Variants in TBC1D24 observed in about 807,000 individuals in gnomAD.
TBC1D24 encodes TBC1 domain family member 24, also known as Infantile myoclonic epilepsy.
Under a neutral mutation model 50.7 loss-of-function variants are expected in TBC1D24, and 47 were observed. The ratio of observed to expected loss-of-function variants is 0.93; its 90% CI spans 0.73 to 1.18. The LOEUF (loss-of-function observed/expected upper bound fraction) is 1.18, where lower values mean the gene tolerates loss of function less well. Among genes scored for constraint, TBC1D24 ranks in the 50% most tolerant of loss-of-function variants. The probability of loss-of-function intolerance (pLI) is 0.00; values close to 1 mark genes in which losing one functional copy is unlikely to be tolerated. For missense variants in TBC1D24, 688 were observed against 766.5 expected (o/e 0.90, Z 1.21); for synonymous variants, 324 against 335.2 (o/e 0.97, Z 0.36).
In TBC1D24 at chr16:2,500,937, C is replaced by G; in HGVS notation, c.1659C>G (p.Phe553Leu). The G allele has an allele frequency of 6.2e-7, 1 of 1,612,014 alleles. No homozygotes were observed. The highest frequency in any genetic ancestry group is 8.5e-7 in the Non-Finnish European group (1 of 1,179,934). ...FLIAAVEAWG[F>L]QDPDTQ is the part of the protein sequence containing the mutation. Reference sequence around the variant, plus strand: ...TTGCTGCCGTGGAGGCCTGGGGCTTCCAGGACCCTGACACCCAGTGACGGC... The same window carrying G: ...TTGCTGCCGTGGAGGCCTGGGGCTTGCAGGACCCTGACACCCAGTGACGGC... Residue 553 changes from phenylalanine to leucine, a missense_variant, in exon 8 of 8, where the codon TTC (phenylalanine) becomes TTG (leucine). Coordinates refer to ENST00000646147, the MANE Select transcript of TBC1D24 (RefSeq NM_001199107.2). This position sits in a 1 kb window ranked among gnomAD's most constrained non-coding sequence, Gnocchi z 8.0.
rs1395436918 is a variant in TBC1D24, at chr16:2,503,045, C to G, written c.*2087C>G. ...GAGCAGGGAAGTCATATCCGTGGAC[C>G]ATTTGTAGGTTTCCCTCTGCAAACT... On this transcript the variant is annotated 3_prime_UTR_variant, in exon 8 of 8. Transcript: ENST00000646147. 1 of 152,244 alleles carries G rather than the reference C, an allele frequency of 6.6e-6. No homozygotes were observed. The highest frequency in any genetic ancestry group is 1.5e-5 in the Non-Finnish European group (1 of 68,032). 9.4% of individuals were successfully genotyped at this position (152,244 alleles called of 1,614,324 possible). A position where few individuals can be genotyped will look rare whatever the true frequency, so the allele number is the denominator to read the frequency against.
intron 1 of TBC1D24, among the ~76,000 whole-genome samples, chr16:2,494,732 G>A (rs2065723354): frequency 6.6e-6 from 1 of 152,054 alleles, no homozygotes. Flanking sequence ...GCCCTTCTGG[G>A]AACTCTATCT....
chr16:2,497,121 G>A lies in TBC1D24; in HGVS notation c.965+8G>A, dbSNP rs372247100. On this transcript the variant is annotated splice_region_variant and intron_variant, in intron 2 of 7. Transcript: ENST00000646147. ...CACCGTGAAGCAGAAGAGGTAGGTC[G>A]CCGGCAGCCTGTGAGGGGTACACCC... is the stretch of plus-strand genomic sequence containing the variant. 9.4e-6 allele frequency: 15 copies of A among 1,599,658 alleles called. No individual in the cohort carries two copies. The highest frequency in any genetic ancestry group is 1.1e-5 in the South Asian group (1 of 91,046).
chr16:2,484,389 A>G (rs1294902625), intron 1 of TBC1D24: 2 of 152,322 alleles, frequency 1.3e-5, no homozygotes, highest in South Asian at 2.1e-4. Flanking sequence ...CTGAGTGCAG[A>G]TCCTCCCCCT....
In TBC1D24 at chr16:2,482,596, G is replaced by C. The variant is rs545728802; in HGVS notation, c.-116+7426G>C. Reference sequence around the variant, plus strand: ...TCCTGAAGGGCGGGGGACACCAGGAGAGGGTTTCGGGTGGAGAACGGTGAC... The same window carrying C: ...TCCTGAAGGGCGGGGGACACCAGGACAGGGTTTCGGGTGGAGAACGGTGAC... On this transcript the variant is annotated intron_variant, in intron 1 of 7. Transcript: ENST00000646147. The surrounding 1 kb of genome is among the most constrained non-coding windows in gnomAD (Gnocchi z 5.2). Among the ~76,000 whole-genome samples, 1 of 152,184 alleles carries C rather than the reference G, an allele frequency of 6.6e-6. No homozygotes were observed. The highest frequency in any genetic ancestry group is 2.1e-4 in the South Asian group (1 of 4,828).
chr16:2,476,386 A>G (rs919946950), intron 1 of TBC1D24, among the ~76,000 whole-genome samples: 1 of 152,232 alleles, frequency 6.6e-6, no homozygotes, highest in Non-Finnish European at 1.5e-5. Flanking sequence ...GGTTCTTTTC[A>G]TTTTAAGGAA....
rs180815168 is a variant in TBC1D24, at chr16:2,505,051, C to A, written c.*4093C>A. The A allele has an allele frequency of 2.0e-5, 3 of 152,302 alleles. No homozygotes were observed. The highest frequency in any genetic ancestry group is 7.2e-5 in the African/African-American group (3 of 41,572). The allele number at this position is 152,302 out of a possible 1,614,324, so 9.4% of individuals were successfully genotyped here. A position where few individuals can be genotyped will look rare whatever the true frequency, so the allele number is the denominator to read the frequency against. Reference sequence around the variant, plus strand: ...TGTGCCCAGCTCATCCAGATTCTTGCTGGTTCTCTTTCTCAGCCTAAATGT... The same window carrying A: ...TGTGCCCAGCTCATCCAGATTCTTGATGGTTCTCTTTCTCAGCCTAAATGT... On this transcript the variant is annotated 3_prime_UTR_variant, in exon 8 of 8. Coordinates refer to ENST00000646147, the MANE Select transcript of TBC1D24 (RefSeq NM_001199107.2).
In TBC1D24 at chr16:2,491,525, A is replaced by C. The variant is rs1430092791; in HGVS notation, c.-115-4509A>C. Among the ~76,000 whole-genome samples, 3 of 150,462 alleles carry C rather than the reference A, an allele frequency of 2.0e-5. 1 individual carries two copies. In the East Asian group the frequency reaches 5.8e-4, roughly 29 times the overall value. ...CACCTTAACCTCCTGAGTAGCTGGG[A>C]CTACAGGTATGCGCCACCACGCCTG... On this transcript the variant is annotated intron_variant, in intron 1 of 7. Coordinates refer to ENST00000646147, the MANE Select transcript of TBC1D24 (RefSeq NM_001199107.2).
rs1435234572 is a variant in TBC1D24, at chr16:2,486,820, G to A, written c.-115-9214G>A. 2.6e-5 allele frequency among the ~76,000 whole-genome samples: 4 copies of A among 152,182 alleles called. No individual in the cohort carries two copies. The highest frequency in any genetic ancestry group is 5.9e-5 in the Non-Finnish European group (4 of 68,028). On this transcript the variant is annotated intron_variant, in intron 1 of 7. Transcript: ENST00000646147. The surrounding 1 kb of genome is among the most constrained non-coding windows in gnomAD (Gnocchi z 5.8). ...AATTCTCTGTTTGTCGCTCGCCCCC[G>A]CCTCCAGCATCCCCAAGTGGCCTGG...
Position 2,501,203 on chromosome 16 carries a change from C to G in TBC1D24, c.*245C>G. 1 of 584,200 alleles carries G rather than the reference C, an allele frequency of 1.7e-6. No individual in the cohort carries two copies. Among genetic ancestry groups the G allele is most frequent in the East Asian group, 2.9e-5 (1 of 34,758 alleles). 36.2% of individuals were successfully genotyped at this position (584,200 alleles called of 1,614,324 possible). A position where few individuals can be genotyped will look rare whatever the true frequency, so the allele number is the denominator to read the frequency against. On this transcript the variant is annotated 3_prime_UTR_variant, in exon 8 of 8. Coordinates refer to ENST00000646147, the MANE Select transcript of TBC1D24 (RefSeq NM_001199107.2). ...GGGCCTGCTGTGCCCCCAGCCCCAC[C>G]CAGAGCTGGCATAGGAAGTACCTTC...
chr16:2,496,233 T>C lies in TBC1D24; in HGVS notation c.85T>C (p.Cys29Arg). 1 of 1,613,930 alleles carries C rather than the reference T, an allele frequency of 6.2e-7. No homozygotes were observed. The highest frequency in any genetic ancestry group is 8.5e-7 in the Non-Finnish European group (1 of 1,180,026). ...GGACCTGGGGCCCAAGGAGCTGAGC[T>C]GCACTGAACTGCAGGAACTGAAGCA... Reference protein sequence around the residue: ...IQDLGPKELSCTELQELKQLA... With the variant: ...IQDLGPKELSRTELQELKQLA... The change falls in exon 2 of 8, where the codon TGC (cysteine) becomes CGC (arginine). Residue 29 changes from cysteine (C) to arginine (R), a missense_variant. By Grantham distance (180) the Cys-to-Arg change is radical. Transcript: ENST00000646147.
rs2065558547 is a variant in TBC1D24, at chr16:2,475,440, GGCCCGC to G, written c.-116+272_-116+277del. ...GAGGCCCGATCCCCGCCCGGTCGCT[GGCCCGC>G]GGCCCGGCCCAGGGCATGGTGTCGT... On this transcript the variant is annotated intron_variant, in intron 1 of 7. Coordinates refer to ENST00000646147, the MANE Select transcript of TBC1D24 (RefSeq NM_001199107.2). This position sits in a 1 kb window ranked among gnomAD's most constrained non-coding sequence, Gnocchi z 4.2. Among the ~76,000 whole-genome samples, 1 of 152,004 alleles carries G rather than the reference GGCCCGC, an allele frequency of 6.6e-6. No individual in the cohort carries two copies. The highest frequency in any genetic ancestry group is 1.5e-5 in the Non-Finnish European group (1 of 67,942).
rs552141044 is a variant in TBC1D24 at position 2,486,387 on chromosome 16, G to A, written c.-115-9647G>A. Among the ~76,000 whole-genome samples the A allele has an allele frequency of 5.6e-4, 86 of 152,348 alleles. 1 individual carries two copies. The highest frequency in any genetic ancestry group is 1.7e-3 in the African/African-American group (71 of 41,566). ...CAGACCAGATGGGAAGAAGTGAGAC[G>A]AGCGGCAGCTGACGCCCATGCCCTG... On this transcript the variant is annotated intron_variant, in intron 1 of 7. Coordinates refer to ENST00000646147, the MANE Select transcript of TBC1D24 (RefSeq NM_001199107.2). This position sits in a 1 kb window ranked among gnomAD's most constrained non-coding sequence, Gnocchi z 5.8.
chr16:2,493,709 T>C (rs577102756), intron 1 of TBC1D24: 1 of 152,272 alleles, frequency 6.6e-6, no homozygotes, highest in East Asian at 1.9e-4. Context: ...GTGGAAAGGT[T>C]AGTCTGATGT....
At chr16:2,476,669 C>T (rs865916019) in intron 1 of TBC1D24, 6 of 152,266 alleles carry the variant, frequency 3.9e-5, no homozygotes, top group African/African-American at 1.4e-4. Context: ...TGGCCAGGGC[C>T]GGACCAGAGG....
chr16:2,478,930 G>T (rs567665674), intron 1 of TBC1D24: 1 of 151,018 alleles, frequency 6.6e-6, no homozygotes, highest in Non-Finnish European at 1.5e-5. Context: ...CACTGCCGAG[G>T]CTAGAGTACA....
chr16:2,501,077 G>T lies in TBC1D24; in HGVS notation c.*119G>T. 1 of 1,353,396 alleles carries T rather than the reference G, an allele frequency of 7.4e-7. No homozygotes were observed. Among genetic ancestry groups the T allele is most frequent in the Non-Finnish European group, 1.0e-6 (1 of 986,862 alleles). 83.8% of individuals were successfully genotyped at this position (1,353,396 alleles called of 1,614,324 possible). On this transcript the variant is annotated 3_prime_UTR_variant, in exon 8 of 8. Transcript: ENST00000646147. ...GGTAGGCAGGGTTGGGGGACGGCAG[G>T]ACCCCATGGCCAAGCCTGGCGTTGC...
chr16:2,504,344 A>T lies in TBC1D24; in HGVS notation c.*3386A>T, dbSNP rs1404269816. ...ATGTACCCTCACCTTCCCCCAAGTC[A>T]ATATCAAAACAAAGAAATAAGCATT... is the stretch of plus-strand genomic sequence containing the variant. On this transcript the variant is annotated 3_prime_UTR_variant, in exon 8 of 8. Transcript: ENST00000646147. 1 of 152,080 alleles carries T rather than the reference A, an allele frequency of 6.6e-6. No individual in the cohort carries two copies. The highest frequency in any genetic ancestry group is 2.4e-5 in the African/African-American group (1 of 41,402). 9.4% of individuals were successfully genotyped at this position (152,080 alleles called of 1,614,324 possible).
rs116953566 is a variant in TBC1D24 at position 2,486,031 on chromosome 16, G to A, written c.-115-10003G>A. Among the ~76,000 whole-genome samples, 1 of 152,314 alleles carries A rather than the reference G, an allele frequency of 6.6e-6. No individual in the cohort carries two copies. The highest frequency in any genetic ancestry group is 1.9e-4 in the East Asian group (1 of 5,182). On this transcript the variant is annotated intron_variant, in intron 1 of 7. Transcript: ENST00000646147. The surrounding 1 kb of genome is among the most constrained non-coding windows in gnomAD (Gnocchi z 5.8). ...GCGCCCGGGCTGGAATGCCTGTGCT[G>A]CCCTCCCCTGCCTGGCGGGTGGGGT...
Sources: allele counts gnomAD v4.1 joint callset (sites outside exome capture counted in the v4.1 genomes callset), GRCh38; gene constraint gnomAD v4.1.1; non-coding constraint Gnocchi (gnomAD v3.1); transcripts MANE v1.5; gene names NCBI Gene and HGNC (gene_info 2026-07-23, HGNC 2026-07-21).